The following TPD52 variants were observed in gnomAD, a reference collection of about 807,000 sequenced individuals.
TPD52 encodes prostate and colon associated protein.
TPD52 carries 17 observed loss-of-function variants against 31.3 expected under a neutral mutation model. That is an observed-to-expected ratio of 0.54 (90% confidence interval 0.37 to 0.82). TPD52 has a LOEUF of 0.82. TPD52 is among the 40% of genes least tolerant of loss of function. TPD52 has a pLI of 0.00. For missense variants in TPD52, 212 were observed against 240.1 expected (o/e 0.88, Z 0.77); for synonymous variants, 83 against 89.6 (o/e 0.93, Z 0.42).
intron 1 of TPD52, among the ~76,000 whole-genome samples, chr8:80,071,237 C>T (rs985689323): frequency 3.0e-4 from 45 of 152,236 alleles, no homozygotes; most frequent in African/African-American, 4.6e-4. Flanking sequence ...AGAATAATTC[C>T]GATGGAAAGG....
Position 80,075,026 on chromosome 8 carries a change from C to G in TPD52, c.20-10433G>C, listed in dbSNP as rs191490110. Among the ~76,000 whole-genome samples, 12 of 152,140 alleles carry G rather than the reference C, an allele frequency of 7.9e-5. No individual in the cohort carries two copies. In the East Asian group the frequency reaches 2.3e-3, roughly 29 times the overall value. ...GATGGAGTCTTGGTCTGTCACCAGG[C>G]TGGAGTGCAGTGGCGCGATCTTGGC... On this transcript the variant is annotated intron_variant, in intron 1 of 7. Transcript: ENST00000518937.
chr8:80,161,726 ATATATAT>A (rs1245775366), intron 1 of TPD52, among the ~76,000 whole-genome samples: 1 of 81,544 alleles, frequency 1.2e-5, no homozygotes, highest in Non-Finnish European at 2.2e-5. Context: ...ATATATATAT[ATATATAT>A]TTTTTTTTTT....
intron 1 of TPD52, among the ~76,000 whole-genome samples, chr8:80,154,580 G>A (rs1810799882): frequency 6.6e-6 from 1 of 152,090 alleles, no homozygotes; most frequent in Non-Finnish European, 1.5e-5. Flanking sequence ...AGCTGCTGTG[G>A]CTTCTATGTT....
chr8:80,057,791 C>A (rs541198812), intron 2 of TPD52, among the ~76,000 whole-genome samples: 6 of 152,120 alleles, frequency 3.9e-5, no homozygotes, highest in African/African-American at 1.2e-4. Context: ...CGCACATGTA[C>A]CCCCTGAATC....
At chr8:80,161,780 A>G (rs1184049782) in intron 1 of TPD52, among the ~76,000 whole-genome samples, 1 of 148,148 alleles carries the variant, frequency 6.8e-6, no homozygotes, top group African/African-American at 2.5e-5. Flanking sequence ...CCCAGACTGG[A>G]GTGCAGAGGC....
rs34027501 is a variant in TPD52, at chr8:80,164,898, C to CAAAAAAAAAAA, written c.19+6516_19+6526dup. Among the ~76,000 whole-genome samples the CAAAAAAAAAAA allele has an allele frequency of 1.0e-3, 32 of 31,900 alleles. 3 individuals carry two copies. Among genetic ancestry groups the CAAAAAAAAAAA allele is most frequent in the South Asian group, 2.9e-3 (1 of 350 alleles). 20.9% of individuals were successfully genotyped at this position (31,900 alleles called of 152,430 possible). A position where few individuals can be genotyped will look rare whatever the true frequency, so the allele number is the denominator to read the frequency against. ...TGGGTGGCAGAGGGAGACAATGTCT[C>CAAAAAAAAAAA]AAAAAAAAAAAAAAAAAAAAAAAAA... On this transcript the variant is annotated intron_variant, in intron 1 of 7. Coordinates refer to ENST00000518937, the MANE Select transcript of TPD52 (RefSeq NM_001025253.3).
intron 1 of TPD52, among the ~76,000 whole-genome samples, chr8:80,107,753 T>G (rs916478378): frequency 4.6e-5 from 6 of 129,616 alleles, no homozygotes; most frequent in East Asian, 2.2e-4. Context: ...AAATGTGTGT[T>G]TTTTTTTTAA....
At chr8:80,122,220 A>G (rs1808308381) in intron 1 of TPD52, among the ~76,000 whole-genome samples, 1 of 152,206 alleles carries the variant, frequency 6.6e-6, no homozygotes, top group Admixed American at 6.5e-5. Context: ...AGTAAGACAA[A>G]CCAAGCTGTG....
chr8:80,112,743 A>G (rs1461680528), intron 1 of TPD52, among the ~76,000 whole-genome samples: 1 of 151,406 alleles, frequency 6.6e-6, no homozygotes, highest in Admixed American at 6.6e-5. Context: ...ACTCTTCATC[A>G]GCAACCCCCC....
chr8:80,054,027 G>A (rs1811623666), intron 2 of TPD52, among the ~76,000 whole-genome samples: 1 of 152,118 alleles, frequency 6.6e-6, no homozygotes, highest in Non-Finnish European at 1.5e-5. Context: ...TGCTCTCAAG[G>A]GTTTCATGTG....
intron 1 of TPD52, among the ~76,000 whole-genome samples, chr8:80,109,851 G>A (rs1025018773): frequency 5.9e-5 from 9 of 152,262 alleles, no homozygotes; most frequent in East Asian, 3.9e-4. Context: ...TGAATCCTCA[G>A]TTCTTCTAGG....
chr8:80,079,013 T>C (rs1814917909), intron 1 of TPD52, among the ~76,000 whole-genome samples: 1 of 152,178 alleles, frequency 6.6e-6, no homozygotes, highest in South Asian at 2.1e-4. Flanking sequence ...AAGGTCCACC[T>C]GAAGTCACAA....
intron 1 of TPD52, among the ~76,000 whole-genome samples, chr8:80,085,675 TAATA>T (rs1815689239): frequency 1.3e-5 from 2 of 151,972 alleles, no homozygotes; most frequent in South Asian, 2.1e-4. Context: ...TCCAAGAAAG[TAATA>T]AATAGAGAGA....
At chr8:80,051,755 C>T (rs1811412513) in intron 3 of TPD52, 127 bp from the exon 4 acceptor site, 1 of 719,706 alleles carries the variant, frequency 1.4e-6, no homozygotes. Context: ...TTTTTCAGAA[C>T]TTCTAAAATC....
chr8:80,050,270 G>C, intron 5 of TPD52, 175 bp downstream of exon 5: 1 of 487,462 alleles, frequency 2.1e-6, no homozygotes, highest in Non-Finnish European at 3.6e-6. Flanking sequence ...ACTACCCATG[G>C]TATACAAGAA....
At chr8:80,084,722 C>G (rs908838185) in intron 1 of TPD52, among the ~76,000 whole-genome samples, 1 of 152,184 alleles carries the variant, frequency 6.6e-6, no homozygotes, top group Non-Finnish European at 1.5e-5. Flanking sequence ...ATTACTCAAC[C>G]ATGCTTTAGC....
intron 1 of TPD52, among the ~76,000 whole-genome samples, chr8:80,147,406 A>G (rs1039219846): frequency 6.6e-6 from 1 of 152,116 alleles, no homozygotes; most frequent in African/African-American, 2.4e-5. Context: ...TCCAATCAGA[A>G]TTTTACTCCA....
chr8:80,127,997 T>G (rs753552707), intron 1 of TPD52, among the ~76,000 whole-genome samples: 1 of 138,090 alleles, frequency 7.2e-6, no homozygotes, highest in Non-Finnish European at 1.5e-5. Context: ...TTCTGTTTTG[T>G]TTTTTTTTTT....
intron 1 of TPD52, among the ~76,000 whole-genome samples, chr8:80,097,119 T>C (rs1052778568): frequency 3.2e-5 from 4 of 125,030 alleles, no homozygotes; most frequent in Admixed American, 8.2e-5. Flanking sequence ...TTGAATGCTC[T>C]GGATAGAAGT....
Sources: gnomAD v4.1 joint callset for allele counts (sites outside exome capture counted in the v4.1 genomes callset) on GRCh38, gnomAD v4.1.1 for gene constraint, MANE v1.5 for transcripts, NCBI Gene and HGNC (gene_info 2026-07-23, HGNC 2026-07-21) for gene names.